ADGRL3: variants seen among roughly 807,000 people sequenced by gnomAD.
The protein encoded by ADGRL3 is calcium-independent alpha-latrotoxin receptor 3.
A neutral mutation model predicts 153.5 loss-of-function variants in ADGRL3; 62 were observed. The observed-to-expected ratio is 0.40, with a 90% CI of 0.33 to 0.50. The LOEUF (loss-of-function observed/expected upper bound fraction) is 0.50. Among genes scored for constraint, ADGRL3 ranks in the 20% least tolerant of loss-of-function variants. ADGRL3 has a pLI of 0.47. For missense variants in ADGRL3, 1,641 were observed against 1,859.4 expected, an observed-to-expected ratio of 0.88 and a Z score of 2.16; for synonymous variants, 710 against 672.5, an observed-to-expected ratio of 1.06 and a Z score of -0.86.
chr4:61,365,449 G>T (rs1225315088), intron 1 of ADGRL3, among the ~76,000 whole-genome samples: 3 of 152,176 alleles, frequency 2.0e-5, no homozygotes, highest in African/African-American at 4.8e-5. Context: ...ATCTCAGAAA[G>T]AATTAGATCA....
chr4:62,002,675 A>G (rs2099144592), intron 21 of ADGRL3, among the ~76,000 whole-genome samples: 1 of 152,060 alleles, frequency 6.6e-6, no homozygotes, highest in Non-Finnish European at 1.5e-5. Context: ...ACATGCCTGT[A>G]TTATTTGCTG....
rs529737468 is a variant in ADGRL3 at position 61,583,740 on chromosome 4, T to G, written c.260-3487T>G. ...GCATCCTAGCAGAAGGTTTCCAGAT[T>G]TCACATCTAAAACTTTTCCAATTTA... On this transcript the variant is annotated intron_variant, in intron 4 of 26. Coordinates refer to ENST00000683033, the MANE Select transcript of ADGRL3 (RefSeq NM_001387552.1). 6 of 518,318 alleles carry G rather than the reference T, an allele frequency of 1.2e-5. 1 individual carries two copies. The highest frequency in any genetic ancestry group is 1.2e-4 in the African/African-American group (6 of 52,044). The allele number at this position is 518,318 out of a possible 1,614,324, so 32.1% of individuals were successfully genotyped here.
At chr4:61,858,800 G>A (rs541686507) in intron 9 of ADGRL3, among the ~76,000 whole-genome samples, 7 of 152,174 alleles carry the variant, frequency 4.6e-5, no homozygotes, top group South Asian at 2.1e-4. Context: ...TTGGCCCTTC[G>A]TTCTTAATTT....
intron 9 of ADGRL3, among the ~76,000 whole-genome samples, chr4:61,849,276 A>T (rs1367518609): frequency 6.6e-6 from 1 of 152,128 alleles, no homozygotes; most frequent in East Asian, 1.9e-4. Context: ...TGTAAAAGTC[A>T]CAAAGAAAGA....
At chr4:61,512,629 A>T (rs1401061590) in intron 3 of ADGRL3, among the ~76,000 whole-genome samples, 1 of 152,180 alleles carries the variant, frequency 6.6e-6, no homozygotes, top group South Asian at 2.1e-4. Context: ...AAAAAGGAAC[A>T]AGATTTTGAG....
chr4:61,475,509 G>A (rs1263104675), intron 2 of ADGRL3, among the ~76,000 whole-genome samples: 1 of 152,104 alleles, frequency 6.6e-6, no homozygotes, highest in Non-Finnish European at 1.5e-5. Flanking sequence ...CTATGAAGGT[G>A]CATATTAAAG....
rs537944253 is a variant in ADGRL3 at position 61,620,679 on chromosome 4, T to C, written c.473+33239T>C. Reference sequence around the variant, plus strand: ...TTTTTTGAGATGGAGTCTGGCTCTGTCGCCAGGCTGGAGTGCAGTGGTGCG... The same window carrying C: ...TTTTTTGAGATGGAGTCTGGCTCTGCCGCCAGGCTGGAGTGCAGTGGTGCG... On this transcript the variant is annotated intron_variant, in intron 5 of 26. Transcript: ENST00000683033. 4.0e-3 allele frequency among the ~76,000 whole-genome samples: 567 copies of C among 142,248 alleles called. 2 individuals are homozygous for C. The highest frequency in any genetic ancestry group is 7.2e-3 in the Non-Finnish European group (475 of 66,320). 93.3% of individuals were successfully genotyped at this position (142,248 alleles called of 152,430 possible). A position where few individuals can be genotyped will look rare whatever the true frequency, so the allele number is the denominator to read the frequency against.
chr4:61,333,988 T>C (rs560607517), intron 1 of ADGRL3, among the ~76,000 whole-genome samples: 1 of 151,574 alleles, frequency 6.6e-6, no homozygotes, highest in African/African-American at 2.4e-5. Context: ...TGATCTTGAC[T>C]CACTGCAATC....
intron 1 of ADGRL3, among the ~76,000 whole-genome samples, chr4:61,297,027 A>G (rs1168547544): frequency 6.6e-6 from 1 of 152,188 alleles, no homozygotes; most frequent in Non-Finnish European, 1.5e-5. Flanking sequence ...CTCCAAAGAT[A>G]CCATAAACAA....
intron 8 of ADGRL3, among the ~76,000 whole-genome samples, chr4:61,783,398 C>T (rs1329151135): frequency 6.6e-6 from 1 of 151,990 alleles, no homozygotes; most frequent in South Asian, 2.1e-4. Context: ...GGTGTTTTCC[C>T]TCTATATATA....
chr4:62,020,825 GTTAAAC>G (rs2099234494), intron 21 of ADGRL3, among the ~76,000 whole-genome samples: 1 of 151,898 alleles, frequency 6.6e-6, no homozygotes, highest in South Asian at 2.1e-4. Context: ...TATAATATGA[GTTAAAC>G]TTAGATTTCT....
chr4:61,416,954 A>T (rs2097150678), intron 2 of ADGRL3, among the ~76,000 whole-genome samples: 1 of 151,964 alleles, frequency 6.6e-6, no homozygotes, highest in Admixed American at 6.6e-5. Context: ...AGGTGATGGG[A>T]GATAGTGACA....
At chr4:61,729,622 G>A (rs2096405895) in intron 6 of ADGRL3, among the ~76,000 whole-genome samples, 1 of 151,758 alleles carries the variant, frequency 6.6e-6, no homozygotes, top group Non-Finnish European at 1.5e-5. Context: ...AGTTTGTGTT[G>A]TGAACTCGTT....
At chr4:61,833,724 T>A (rs2097900168) in intron 9 of ADGRL3, among the ~76,000 whole-genome samples, 1 of 152,146 alleles carries the variant, frequency 6.6e-6, no homozygotes, top group Non-Finnish European at 1.5e-5. Context: ...ATTTCTAATC[T>A]TGTGGCTAAT....
At position 62,042,076 on chromosome 4, in the gene ADGRL3, A is replaced by G. The variant is rs974598203; in HGVS notation, c.3718-2377A>G. ...ATATAGTATGGAAAAGAGAGCATAG[A>G]AAAAATTAATTTATATAGATGTATA... On this transcript the variant is annotated intron_variant, in intron 24 of 26. Transcript: ENST00000683033. Among the ~76,000 whole-genome samples, 6 of 152,162 alleles carry G rather than the reference A, an allele frequency of 3.9e-5. No homozygotes were observed. The East Asian group carries it at 1.2e-3, about 29-fold the overall frequency.
intron 8 of ADGRL3, among the ~76,000 whole-genome samples, chr4:61,750,403 T>C (rs2096739382): frequency 6.6e-6 from 1 of 152,150 alleles, no homozygotes; most frequent in African/African-American, 2.4e-5. Context: ...CTGCCTGACT[T>C]TCTGCTTTGT....
chr4:61,847,787 A>G lies in ADGRL3; in HGVS notation c.1480+33898A>G, dbSNP rs1406832173. Among the ~76,000 whole-genome samples the G allele has an allele frequency of 2.5e-3, 82 of 32,170 alleles. 1 individual carries two copies. Among genetic ancestry groups the G allele is most frequent in the Non-Finnish European group, 3.8e-3 (64 of 16,674 alleles). The allele number at this position is 32,170 out of a possible 152,430, so 21.1% of individuals were successfully genotyped here. On this transcript the variant is annotated intron_variant, in intron 9 of 26. Transcript: ENST00000683033. ...AAAATATATATATAATACAAAATAT[A>G]TTATATATATAATATAAAATATATT...
intron 15 of ADGRL3, among the ~76,000 whole-genome samples, chr4:61,938,852 C>CCCT (rs556966383): frequency 3.5e-5 from 5 of 141,132 alleles, no homozygotes; most frequent in African/African-American, 1.3e-4. Context: ...TGTTAAATAA[C>CCCT]CCTCCTCCTC....
chr4:61,632,629 G>A (rs1344224240), intron 5 of ADGRL3, among the ~76,000 whole-genome samples: 2 of 152,112 alleles, frequency 1.3e-5, no homozygotes, highest in East Asian at 3.9e-4. Flanking sequence ...TTAATTATCA[G>A]CTTCCTTTTC....
Sources: gnomAD v4.1 joint callset for allele counts (sites outside exome capture counted in the v4.1 genomes callset) on GRCh38, gnomAD v4.1.1 for gene constraint, MANE v1.5 for transcripts, NCBI Gene and HGNC (gene_info 2026-07-23, HGNC 2026-07-21) for gene names.